Variants in SMARCAD1 observed in about 807,000 individuals in gnomAD.
The protein encoded by SMARCAD1 is SWI/SNF-related matrix-associated actin-dependent regulator of chromatin subfamily A containing DEAD/H box 1.
A neutral mutation model predicts 127.1 loss-of-function variants in SMARCAD1; 25 were observed. The ratio of observed to expected loss-of-function variants is 0.20; its 90% confidence interval spans 0.14 to 0.27. The LOEUF (loss-of-function observed/expected upper bound fraction) is 0.27, where lower values mean the gene tolerates loss of function less well. Among genes scored for constraint, SMARCAD1 ranks in the 10% least tolerant of loss-of-function variants. The pLI is 1.00. For synonymous variants in SMARCAD1, 400 were observed against 396.9 expected (o/e 1.01, Z -0.09); for missense variants, 807 against 1,206.0 (o/e 0.67, Z 4.90).
At chr4:94,283,099 A>G in intron 21 of SMARCAD1, 22 bp from the exon 22 acceptor site, 1 of 1,593,294 alleles carries the variant, frequency 6.3e-7, no homozygotes, top group Non-Finnish European at 8.6e-7. Context: ...GTGAGATTTA[A>G]CCTAATTTGT....
chr4:94,263,632 A>G (rs1751334044), intron 9 of SMARCAD1, among the ~76,000 whole-genome samples: 1 of 152,054 alleles, frequency 6.6e-6, no homozygotes, highest in South Asian at 2.1e-4. Flanking sequence ...CTTAATTACT[A>G]TTGCTTGAGC....
At chr4:94,268,747 T>C (rs1752105696) in intron 10 of SMARCAD1, among the ~76,000 whole-genome samples, 1 of 152,222 alleles carries the variant, frequency 6.6e-6, no homozygotes, top group South Asian at 2.1e-4. Context: ...ACTTCTCATC[T>C]GTAAAATGCA....
At chr4:94,227,185 G>C (rs955652891) in intron 3 of SMARCAD1, among the ~76,000 whole-genome samples, 10 of 152,070 alleles carry the variant, frequency 6.6e-5, no homozygotes, top group Admixed American at 2.0e-4. Flanking sequence ...ACTATATTAT[G>C]CCTGGTGTTT....
intron 2 of SMARCAD1, among the ~76,000 whole-genome samples, chr4:94,220,638 A>G (rs1743968292): frequency 6.6e-6 from 1 of 152,216 alleles, no homozygotes; most frequent in Non-Finnish European, 1.5e-5. Context: ...TATTGTCATA[A>G]TAATATTAAG....
At chr4:94,255,601 AC>A (rs1749952995) in intron 9 of SMARCAD1, among the ~76,000 whole-genome samples, 1 of 151,896 alleles carries the variant, frequency 6.6e-6, no homozygotes, top group South Asian at 2.1e-4. Context: ...TATTAATATT[AC>A]CTACTTGGTA....
intron 9 of SMARCAD1, among the ~76,000 whole-genome samples, chr4:94,255,532 A>G (rs528915939): frequency 1.3e-5 from 2 of 152,062 alleles, no homozygotes; most frequent in South Asian, 4.1e-4. Flanking sequence ...TCAAGGTAGT[A>G]GACATATAAA....
At chr4:94,251,221 C>T (rs1228361228) in intron 8 of SMARCAD1, among the ~76,000 whole-genome samples, 2 of 152,034 alleles carry the variant, frequency 1.3e-5, no homozygotes, top group Non-Finnish European at 2.9e-5. Flanking sequence ...GCACAGATAT[C>T]AAAAGCACTA....
At chr4:94,280,099 A>T (rs552382646) in intron 19 of SMARCAD1, among the ~76,000 whole-genome samples, 3 of 152,248 alleles carry the variant, frequency 2.0e-5, no homozygotes, top group South Asian at 2.1e-4. Flanking sequence ...TCCTGACCTT[A>T]GGTGATTTAC....
At chr4:94,265,568 G>A (rs997343955) in intron 10 of SMARCAD1, among the ~76,000 whole-genome samples, 14 of 151,478 alleles carry the variant, frequency 9.2e-5, no homozygotes, top group African/African-American at 1.5e-4. Context: ...AATTGTGATC[G>A]CCCACATTTT....
chr4:94,280,145 G>A (rs1337481272), intron 19 of SMARCAD1, among the ~76,000 whole-genome samples: 2 of 152,138 alleles, frequency 1.3e-5, no homozygotes, highest in Non-Finnish European at 2.9e-5. Context: ...GATTATAGGC[G>A]TGAGCCACTG....
rs1437659953 is a variant in SMARCAD1 at position 94,279,491 on chromosome 4, CAAA to C, written c.2418+442_2418+444del. ...CAAAATGATCTGGGGGACATAAAAACAAAGAAGGACTGATAACCTACATTATAA... is the reference window on the plus strand; with the variant it reads ...CAAAATGATCTGGGGGACATAAAAACGAAGGACTGATAACCTACATTATAA... On this transcript the variant is annotated intron_variant, in intron 19 of 23. Transcript: ENST00000354268. 3.9e-5 allele frequency among the ~76,000 whole-genome samples: 6 copies of C among 152,300 alleles called. No individual in the cohort carries two copies. In the South Asian group the frequency reaches 1.2e-3, roughly 32 times the overall value.
At chr4:94,234,351 G>A (rs564028025) in intron 4 of SMARCAD1, among the ~76,000 whole-genome samples, 3 of 152,202 alleles carry the variant, frequency 2.0e-5, no homozygotes, top group Non-Finnish European at 2.9e-5. Context: ...CCTTAATAGC[G>A]AACATAGGTT....
intron 20 of SMARCAD1, 97 bp downstream of exon 20, chr4:94,280,877 CT>C: frequency 8.7e-7 from 1 of 1,144,762 alleles, no homozygotes; most frequent in Middle Eastern, 2.8e-4. Context: ...TAGCCTATGT[CT>C]GTTCTGCATT....
At chr4:94,235,801 C>A (rs1746567633) in intron 4 of SMARCAD1, among the ~76,000 whole-genome samples, 1 of 151,880 alleles carries the variant, frequency 6.6e-6, no homozygotes, top group Non-Finnish European at 1.5e-5. Flanking sequence ...CACTTGATTG[C>A]CAATTTTTAA....
intron 15 of SMARCAD1, among the ~76,000 whole-genome samples, chr4:94,276,696 C>T (rs1212939273): frequency 6.6e-6 from 1 of 152,056 alleles, no homozygotes; most frequent in Non-Finnish European, 1.5e-5. Context: ...TTTAACAACC[C>T]TTTAAAAAAT....
chr4:94,272,266 G>A (rs75823433), intron 11 of SMARCAD1, among the ~76,000 whole-genome samples: 1,730 of 152,232 alleles, frequency 0.011, 36 homozygotes, highest in African/African-American at 0.039. Context: ...TTGAGGTTAC[G>A]ACTCCAACGT....
At chr4:94,288,602 T>C (rs1755289528) in intron 23 of SMARCAD1, among the ~76,000 whole-genome samples, 1 of 151,824 alleles carries the variant, frequency 6.6e-6, no homozygotes, top group African/African-American at 2.4e-5. Flanking sequence ...AAAAGAAGAG[T>C]GGATGAAAGT....
chr4:94,254,058 G>GAGTC (rs1167439426), intron 9 of SMARCAD1, among the ~76,000 whole-genome samples: 1 of 152,124 alleles, frequency 6.6e-6, no homozygotes, highest in Non-Finnish European at 1.5e-5. Context: ...CAATAGGGGA[G>GAGTC]AGTCCCTGAA....
Position 94,289,758 on chromosome 4 carries a change from T to C in SMARCAD1, c.*224T>C. 4.7e-6 allele frequency: 3 copies of C among 638,208 alleles called. No homozygotes were observed. The highest frequency in any genetic ancestry group is 3.0e-5 in the South Asian group (2 of 65,896). The allele number at this position is 638,208 out of a possible 1,614,324, so 39.5% of individuals were successfully genotyped here. A position where few individuals can be genotyped will look rare whatever the true frequency, so the allele number is the denominator to read the frequency against. On this transcript the variant is annotated 3_prime_UTR_variant, in exon 24 of 24. Transcript: ENST00000354268. ...CCACAAATATGTAGTTCTGAAGATG[T>C]TGAATAATCATTTTACAAAGCAGTT...
Sources: allele counts gnomAD v4.1 joint callset (sites outside exome capture counted in the v4.1 genomes callset), GRCh38; gene constraint gnomAD v4.1.1; transcripts MANE v1.5; gene names NCBI Gene and HGNC (gene_info 2026-07-23, HGNC 2026-07-21).